ANO2: variants seen among roughly 807,000 people sequenced by gnomAD.
ANO2 encodes anoctamin 2, also known as anoctamin-2.
A neutral mutation model predicts 124.2 loss-of-function variants in ANO2; 101 were observed. That is an observed-to-expected ratio of 0.81 (90% confidence interval 0.69 to 0.96). The LOEUF is 0.96. Among genes scored for constraint, ANO2 ranks in the 40% least tolerant of loss-of-function variants. The probability of loss-of-function intolerance (pLI) is 0.00; values close to 1 mark genes in which losing one functional copy is unlikely to be tolerated. For missense variants in ANO2, 1,293 were observed against 1,274.5 expected (o/e 1.01, Z -0.22); for synonymous variants, 486 against 482.5 (o/e 1.01, Z -0.09).
At chr12:5,673,488 C>T (rs1204648844) in intron 14 of ANO2, among the ~76,000 whole-genome samples, 2 of 152,154 alleles carry the variant, frequency 1.3e-5, no homozygotes, top group African/African-American at 2.4e-5. Flanking sequence ...AACCTTTTTT[C>T]TCATAGATCA....
At chr12:5,673,816 T>C (rs1017153537) in intron 14 of ANO2, among the ~76,000 whole-genome samples, 2 of 152,200 alleles carry the variant, frequency 1.3e-5, no homozygotes, top group Non-Finnish European at 2.9e-5. Flanking sequence ...TCAGTATTGA[T>C]TTAGGGGATC....
At chr12:5,852,470 C>T (rs1026850099) in intron 4 of ANO2, among the ~76,000 whole-genome samples, 16 of 152,020 alleles carry the variant, frequency 1.1e-4, no homozygotes, top group African/African-American at 3.4e-4. Flanking sequence ...GTCCACCTGC[C>T]GTGGAGTTAT....
At chr12:5,695,766 G>A (rs1949145628) in intron 14 of ANO2, among the ~76,000 whole-genome samples, 1 of 150,228 alleles carries the variant, frequency 6.7e-6, no homozygotes, top group Non-Finnish European at 1.5e-5. Flanking sequence ...GCTTGAACCT[G>A]GGAGGCGGAG....
chr12:5,809,273 C>A (rs1429003849), intron 7 of ANO2, among the ~76,000 whole-genome samples: 1 of 152,160 alleles, frequency 6.6e-6, no homozygotes, highest in African/African-American at 2.4e-5. Context: ...CTACCATAAT[C>A]AAAGGGAGGA....
At chr12:5,596,488 T>C (rs1943667002) in intron 20 of ANO2, among the ~76,000 whole-genome samples, 1 of 152,184 alleles carries the variant, frequency 6.6e-6, no homozygotes, top group Admixed American at 6.5e-5. Context: ...TTTTCAAGAT[T>C]CCAGGTATAA....
At chr12:5,946,192 G>A (rs774441862), upstream of ANO2, 11 of 1,613,438 alleles carry the variant, frequency 6.8e-6, no homozygotes, top group Non-Finnish European at 8.5e-6. This position sits in a 1 kb window ranked among gnomAD's most constrained non-coding sequence, Gnocchi z 4.1. Flanking sequence ...GATAAGGTAG[G>A]CTGGTCATGA....
chr12:5,911,965 C>G (rs998594228), intron 3 of ANO2, among the ~76,000 whole-genome samples: 3 of 152,214 alleles, frequency 2.0e-5, no homozygotes, highest in Non-Finnish European at 4.4e-5. Context: ...AGGTGATGCA[C>G]AGACCAGAAA....
intron 10 of ANO2, among the ~76,000 whole-genome samples, chr12:5,796,296 C>T (rs779264664): frequency 1.2e-4 from 18 of 151,094 alleles, no homozygotes; most frequent in Non-Finnish European, 1.5e-4. Flanking sequence ...CTCATTCACA[C>T]GCTCATACAC....
chr12:5,923,474 G>T (rs1591799665), intron 1 of ANO2, among the ~76,000 whole-genome samples: 1 of 152,178 alleles, frequency 6.6e-6, no homozygotes, highest in African/African-American at 2.4e-5. Flanking sequence ...GCACCAGCTG[G>T]CACCCTGGCC....
intron 7 of ANO2, among the ~76,000 whole-genome samples, chr12:5,815,151 C>G (rs185320745): frequency 6.6e-6 from 1 of 152,198 alleles, no homozygotes; most frequent in Non-Finnish European, 1.5e-5. Flanking sequence ...ATAGATCTCA[C>G]AAAACCTACT....
At chr12:5,777,480 G>A (rs907953268) in intron 10 of ANO2, among the ~76,000 whole-genome samples, 5 of 152,172 alleles carry the variant, frequency 3.3e-5, no homozygotes. Flanking sequence ...GTGGCAGCAT[G>A]AACTGAGGGG....
chr12:5,564,747 C>T (rs1263147503), intron 24 of ANO2: 1 of 152,256 alleles, frequency 6.6e-6, no homozygotes, highest in Non-Finnish European at 1.5e-5. Flanking sequence ...ATCATTCAAA[C>T]ATATCGCCTC....
chr12:5,873,498 G>A (rs73052336), intron 3 of ANO2, among the ~76,000 whole-genome samples: 4 of 152,152 alleles, frequency 2.6e-5, no homozygotes, highest in African/African-American at 9.7e-5. Flanking sequence ...TGCCTCGCTG[G>A]AGGAATTTGG....
At chr12:5,760,888 A>G (rs1378600902) in intron 10 of ANO2, among the ~76,000 whole-genome samples, 1 of 152,194 alleles carries the variant, frequency 6.6e-6, no homozygotes, top group African/African-American at 2.4e-5. Context: ...ATCTCCAGGC[A>G]TACAGGTTAC....
chr12:5,911,409 C>A (rs1941039258), intron 3 of ANO2, among the ~76,000 whole-genome samples: 1 of 152,174 alleles, frequency 6.6e-6, no homozygotes. Flanking sequence ...TGCAGAAGGG[C>A]TTTCCTTCTC....
intron 20 of ANO2, among the ~76,000 whole-genome samples, chr12:5,580,842 G>C (rs925156524): frequency 6.6e-6 from 1 of 152,162 alleles, no homozygotes; most frequent in Non-Finnish European, 1.5e-5. Context: ...TGCCCAGTAG[G>C]TTCCTGCAGG....
intron 19 of ANO2, among the ~76,000 whole-genome samples, chr12:5,606,027 G>A (rs1167696641): frequency 6.6e-6 from 1 of 152,198 alleles, no homozygotes; most frequent in East Asian, 1.9e-4. Flanking sequence ...CATGGCATTA[G>A]TCACAGAGCT....
intron 1 of ANO2, among the ~76,000 whole-genome samples, chr12:5,940,465 A>G (rs780609318): frequency 4.6e-5 from 7 of 152,204 alleles, no homozygotes; most frequent in Non-Finnish European, 1.0e-4. Context: ...ACACACTTCT[A>G]AGACCAGGAA....
Position 5,894,798 on chromosome 12 carries a change from T to C in ANO2, c.534+26242A>G, listed in dbSNP as rs534463011. On this transcript the variant is annotated intron_variant, in intron 3 of 24. Transcript: ENST00000682330. ...TCAGGTTTGTCAAAGACCAGATGGT[T>C]GTAGATGGGTGGCGTTATTTCTGAG... is the stretch of plus-strand genomic sequence containing the variant. 3.0e-4 allele frequency among the ~76,000 whole-genome samples: 45 copies of C among 152,304 alleles called. No individual in the cohort carries two copies. The Middle Eastern group carries it at 0.01, about 35-fold the overall frequency.
Sources: allele counts gnomAD v4.1 joint callset (sites outside exome capture counted in the v4.1 genomes callset), GRCh38; gene constraint gnomAD v4.1.1; non-coding constraint Gnocchi (gnomAD v3.1); transcripts MANE v1.5; gene names NCBI Gene and HGNC (gene_info 2026-07-23, HGNC 2026-07-21).